The following DNAH14 variants were observed in gnomAD, a reference collection of about 807,000 sequenced individuals.
The protein encoded by DNAH14 is dynein axonemal heavy chain 14.
Under a neutral mutation model 520.9 loss-of-function variants are expected in DNAH14, and 478 were observed. The ratio of observed to expected loss-of-function variants is 0.92; its 90% confidence interval spans 0.85 to 0.99. The LOEUF is 0.99. Ranked by LOEUF, DNAH14 falls within the 50% of genes least tolerant of loss-of-function variation. DNAH14 has a pLI of 0.00. For missense variants in DNAH14, 4,831 were observed against 5,234.5 expected (o/e 0.92, Z 2.38); for synonymous variants, 1,581 against 1,757.2 (o/e 0.90, Z 2.51).
At chr1:224,993,855 C>G (rs550698842) in intron 8 of DNAH14, among the ~76,000 whole-genome samples, 1 of 152,120 alleles carries the variant, frequency 6.6e-6, no homozygotes, top group South Asian at 2.1e-4. Flanking sequence ...TTTACTGCAT[C>G]CCATAAGTTT....
Position 225,307,574 on chromosome 1 carries a change from G to A in DNAH14, c.9114+5G>A. 4.6e-6 allele frequency: 7 copies of A among 1,526,694 alleles called. No homozygotes were observed. The highest frequency in any genetic ancestry group is 4.4e-6 in the Non-Finnish European group (5 of 1,137,938). The allele number at this position is 1,526,694 out of a possible 1,614,324, so 94.6% of individuals were successfully genotyped here. A position where few individuals can be genotyped will look rare whatever the true frequency, so the allele number is the denominator to read the frequency against. Reference sequence around the variant, plus strand: ...CAAGTAGAACAAAAAACAAAGGTATGTTTGCTTTGAAATCTCTTTTAAAGA... The same window carrying A: ...CAAGTAGAACAAAAAACAAAGGTATATTTGCTTTGAAATCTCTTTTAAAGA... On this transcript the variant is annotated splice_donor_5th_base_variant and intron_variant, in intron 59 of 85. Coordinates refer to ENST00000682510, the MANE Select transcript of DNAH14 (RefSeq NM_001367479.1).
Position 225,389,621 on chromosome 1 carries a change from G to A in DNAH14, c.13191-113G>A, listed in dbSNP as rs905252381. On this transcript the variant is annotated intron_variant, in intron 82 of 85. Transcript: ENST00000682510. ...GGGCCTGATAAGAGTCCTGCATTGGGGGAATCGAAATGAAAAGTAAAAGAA... is the reference window on the plus strand; with the variant it reads ...GGGCCTGATAAGAGTCCTGCATTGGAGGAATCGAAATGAAAAGTAAAAGAA... 9.7e-6 allele frequency: 12 copies of A among 1,238,374 alleles called. No homozygotes were observed. The African/African-American group carries it at 1.1e-4, about 11-fold the overall frequency. 76.7% of individuals were successfully genotyped at this position (1,238,374 alleles called of 1,614,324 possible). A position where few individuals can be genotyped will look rare whatever the true frequency, so the allele number is the denominator to read the frequency against.
intron 52 of DNAH14, among the ~76,000 whole-genome samples, chr1:225,275,254 G>C (rs2093438401): frequency 6.6e-6 from 1 of 152,180 alleles, no homozygotes; most frequent in African/African-American, 2.4e-5. Context: ...AAGTGCTGAG[G>C]ACTACCTAGG....
chr1:225,338,538 T>TA (rs2150367532), intron 68 of DNAH14, among the ~76,000 whole-genome samples: 1 of 152,176 alleles, frequency 6.6e-6, no homozygotes, highest in Non-Finnish European at 1.5e-5. Flanking sequence ...TCTGCCTCTT[T>TA]AAAAAACACA....
At chr1:225,029,900 A>G (rs2066406200) in intron 11 of DNAH14, among the ~76,000 whole-genome samples, 1 of 152,006 alleles carries the variant, frequency 6.6e-6, no homozygotes, top group African/African-American at 2.4e-5. Context: ...AAAGTTTCTG[A>G]AAAATTTTGT....
chr1:225,258,068 C>G lies in DNAH14; in HGVS notation c.6974C>G (p.Ser2325Cys), dbSNP rs2092804522. The G allele has an allele frequency of 2.6e-6, 4 of 1,548,730 alleles. No homozygotes were observed. The highest frequency in any genetic ancestry group is 3.5e-6 in the Non-Finnish European group (4 of 1,145,986). ...GCTACCAGAGACACAACATGCCTTT[C>G]TTTTCTCATGAGCCTTCTTTTAAAG... ...YTATRDTTCL[S>C]FLMSLLLKNS... The change falls in exon 45 of 86, where the codon TCT becomes TGT. Residue 2325 changes from serine (S) to cysteine (C), a missense_variant. Transcript: ENST00000682510.
chr1:225,065,799 A>G (rs577870944), intron 17 of DNAH14, among the ~76,000 whole-genome samples: 9 of 152,216 alleles, frequency 5.9e-5, no homozygotes, highest in South Asian at 2.1e-4. Context: ...ACAATTGTCC[A>G]TAAGTGAATA....
At chr1:225,225,405 G>A (rs1325087003) in intron 41 of DNAH14, among the ~76,000 whole-genome samples, 1 of 151,738 alleles carries the variant, frequency 6.6e-6, no homozygotes. Context: ...GTGTTTATGG[G>A]GTGGCCCACA....
At chr1:225,319,815 A>T (rs2094528738) in intron 61 of DNAH14, among the ~76,000 whole-genome samples, 1 of 152,168 alleles carries the variant, frequency 6.6e-6, no homozygotes, top group South Asian at 2.1e-4. Flanking sequence ...ATTTGGAAGT[A>T]AGCTAGGCAG....
At chr1:225,127,843 G>C (rs1238506681) in intron 27 of DNAH14, among the ~76,000 whole-genome samples, 2 of 152,142 alleles carry the variant, frequency 1.3e-5, no homozygotes, top group African/African-American at 4.8e-5. Context: ...GCAGCGGCTG[G>C]TAACAGTTGT....
chr1:225,215,920 G>A (rs1158568412), intron 41 of DNAH14, among the ~76,000 whole-genome samples: 1 of 152,122 alleles, frequency 6.6e-6, no homozygotes, highest in Non-Finnish European at 1.5e-5. Flanking sequence ...TGTTATGTGT[G>A]AATTTGATCC....
chr1:224,954,998 A>G lies in DNAH14; in HGVS notation c.117A>G (p.Lys39=). ...AAGAGAAAAAATATGAAGATGTGAA[A>G]CCATTAGAGACTCAACCAGCTGAAA... ...RYEEKKYEDV[K]PLETQPAEIA... Residue 39 remains lysine (K), a synonymous_variant, in exon 3 of 86, where the codon AAA becomes AAG. Coordinates refer to ENST00000682510, the MANE Select transcript of DNAH14 (RefSeq NM_001367479.1). 2.5e-6 allele frequency: 4 copies of G among 1,606,760 alleles called. No individual in the cohort carries two copies. The highest frequency in any genetic ancestry group is 3.4e-6 in the Non-Finnish European group (4 of 1,174,966).
chr1:225,325,456 G>T (rs1044051769), intron 64 of DNAH14, among the ~76,000 whole-genome samples: 6 of 148,398 alleles, frequency 4.0e-5, no homozygotes, highest in African/African-American at 1.5e-4. Context: ...TTACACTCCA[G>T]CCTGGGCAAC....
chr1:225,358,416 T>C, intron 73 of DNAH14, 80 bp from the exon 74 acceptor site: 1 of 1,223,566 alleles, frequency 8.2e-7, no homozygotes, highest in Non-Finnish European at 1.1e-6. Flanking sequence ...ATACTTCTTA[T>C]TTTTGTTTCA....
chr1:225,181,376 T>C (rs554919247), intron 36 of DNAH14, among the ~76,000 whole-genome samples: 2 of 152,206 alleles, frequency 1.3e-5, no homozygotes, highest in Admixed American at 6.5e-5. Flanking sequence ...ATGGTAGTTC[T>C]ATTTTTAGTT....
intron 80 of DNAH14, 80 bp downstream of exon 80, chr1:225,380,402 TAA>T: frequency 1.4e-6 from 2 of 1,418,152 alleles, no homozygotes; most frequent in Non-Finnish European, 1.9e-6. Flanking sequence ...AAGGTAAAGA[TAA>T]GACAAAAATT....
At chr1:224,986,063 A>G (rs1047417036) in intron 8 of DNAH14, among the ~76,000 whole-genome samples, 1 of 152,066 alleles carries the variant, frequency 6.6e-6, no homozygotes, top group African/African-American at 2.4e-5. Context: ...GTTATAGAAC[A>G]CCAAGGAGAT....
rs994531176 is a variant in DNAH14 at position 225,192,885 on chromosome 1, A to C, written c.5860A>C (p.Lys1954Gln). Residue 1954 changes from lysine (K) to glutamine (Q), a missense_variant, in exon 38 of 86, where the codon AAG becomes CAG. Transcript: ENST00000682510. The part of the protein sequence containing the change: ...NTKKDIDLRL[K>Q]SRISDLSNVF... ...AAAGAAAGACATTGATCTCAGACTA[A>C]AGTCAAGAATCTCAGATTTATCCAA... 35 of 1,548,974 alleles carry C rather than the reference A, an allele frequency of 2.3e-5. No homozygotes were observed. The highest frequency in any genetic ancestry group is 3.1e-5 in the Non-Finnish European group (35 of 1,145,550).
rs974006397 is a variant in DNAH14, at chr1:225,041,912, A to G, written c.1489-923A>G. Reference sequence around the variant, plus strand: ...AAACATACATAACATAAAATTTTCCATTTAACCGTTTTTAGGTGTACAGTT... The same window carrying G: ...AAACATACATAACATAAAATTTTCCGTTTAACCGTTTTTAGGTGTACAGTT... On this transcript the variant is annotated intron_variant, in intron 12 of 85. Coordinates refer to ENST00000682510, the MANE Select transcript of DNAH14 (RefSeq NM_001367479.1). Among the ~76,000 whole-genome samples the G allele has an allele frequency of 2.0e-4, 31 of 152,142 alleles. 1 individual carries two copies. The highest frequency in any genetic ancestry group is 3.2e-3 in the Middle Eastern group (1 of 316).
Sources: allele counts gnomAD v4.1 joint callset (sites outside exome capture counted in the v4.1 genomes callset), GRCh38; gene constraint gnomAD v4.1.1; transcripts MANE v1.5; gene names NCBI Gene and HGNC (gene_info 2026-07-23, HGNC 2026-07-21).